The following TENM4 variants were observed in gnomAD, a reference collection of about 807,000 sequenced individuals.
The protein encoded by TENM4 is teneurin transmembrane protein 4.
A neutral mutation model predicts 243.3 loss-of-function variants in TENM4; 82 were observed. That is an observed-to-expected ratio of 0.34 (90% CI 0.28 to 0.40). TENM4 has a LOEUF of 0.40. TENM4 is among the 10% of genes least tolerant of loss of function. TENM4 has a pLI of 1.00. For missense variants in TENM4, 3,138 were observed against 3,673.3 expected, an observed-to-expected ratio of 0.85 and a Z score of 3.77; for synonymous variants, 1,412 against 1,456.3, an observed-to-expected ratio of 0.97 and a Z score of 0.69.
intron 2 of TENM4, among the ~76,000 whole-genome samples, chr11:79,266,747 A>G (rs573954689): frequency 3.3e-5 from 5 of 152,308 alleles, no homozygotes; most frequent in African/African-American, 1.2e-4. Flanking sequence ...TTAGAGGCAC[A>G]CTAGTAGTGA....
chr11:79,438,548 T>A lies in TENM4; in HGVS notation c.-321+1961A>T, dbSNP rs559156982. 1.7e-4 allele frequency among the ~76,000 whole-genome samples: 26 copies of A among 152,234 alleles called. No homozygotes were observed. The South Asian group carries it at 5.4e-3, about 32-fold the overall frequency. On this transcript the variant is annotated intron_variant, in intron 1 of 33. Transcript: ENST00000278550. This position sits in a 1 kb window ranked among gnomAD's most constrained non-coding sequence, Gnocchi z 4.1. ...CTCTAACCCCTCGCCAGCGTGGGCC[T>A]GGATGGCTGGGCTGCCTGGGCATCT... is the stretch of plus-strand genomic sequence containing the variant.
chr11:78,903,513 G>T lies in TENM4; in HGVS notation c.504C>A (p.Gly168=), dbSNP rs1378838053. The change falls in exon 7 of 34, where the codon GGC becomes GGA. Residue 168 remains glycine, a synonymous_variant. Transcript: ENST00000278550. ...EHENTETDHP[G]GLQNHARLRT... ...GGAGCCGCGCGTGGTTCTGCAGGCC[G>T]CCCGGATGATCTAGGGCACAAACAT... 3 of 1,546,570 alleles carry T rather than the reference G, an allele frequency of 1.9e-6. No homozygotes were observed. The highest frequency in any genetic ancestry group is 2.4e-5 in the East Asian group (1 of 40,880).
At chr11:78,787,105 G>A (rs1244934022) in intron 15 of TENM4, 22 bp from the exon 16 acceptor site, 3 of 1,528,692 alleles carry the variant, frequency 2.0e-6, no homozygotes, top group African/African-American at 2.7e-5. Context: ...AGCAGAAGAA[G>A]GGAGGACACC....
At chr11:79,313,093 T>A (rs552384733) in intron 1 of TENM4, among the ~76,000 whole-genome samples, 1 of 152,186 alleles carries the variant, frequency 6.6e-6, no homozygotes, top group Non-Finnish European at 1.5e-5. Context: ...AGGAAGTAGA[T>A]CTTGCATCAT....
intron 19 of TENM4, among the ~76,000 whole-genome samples, chr11:78,754,234 T>C (rs946527220): frequency 2.0e-5 from 3 of 152,226 alleles, no homozygotes; most frequent in African/African-American, 4.8e-5. Flanking sequence ...AAGACCAAGC[T>C]GGCCTCTCTC....
intron 5 of TENM4, among the ~76,000 whole-genome samples, chr11:79,066,349 A>G (rs17754692): frequency 0.6 from 91,709 of 151,996 alleles, 28,140 homozygotes; most frequent in Middle Eastern, 0.64. Context: ...ACTGAATAGG[A>G]CAAGCCTGCA....
In TENM4 at chr11:79,128,696, A is replaced by C. The variant is rs112895123; in HGVS notation, c.-66+20014T>G. The stretch of plus-strand genomic sequence containing the variant: ...TGAAAGGATATCTCTGAAGGACAGC[A>C]GTGAAGGGAAATCTTCCCAGTGGGC... On this transcript the variant is annotated intron_variant, in intron 4 of 33. Transcript: ENST00000278550. 1.1e-4 allele frequency among the ~76,000 whole-genome samples: 16 copies of C among 152,354 alleles called. 1 individual carries two copies. Among genetic ancestry groups the C allele is most frequent in the African/African-American group, 3.8e-4 (16 of 41,584 alleles).
At chr11:78,753,388 G>A (rs1037374025) in intron 19 of TENM4, among the ~76,000 whole-genome samples, 3 of 152,192 alleles carry the variant, frequency 2.0e-5, no homozygotes, top group Admixed American at 1.3e-4. Flanking sequence ...GTAACTCTGG[G>A]CACTTGCTAT....
At chr11:78,858,868 T>G (rs1306371906) in intron 10 of TENM4, among the ~76,000 whole-genome samples, 1 of 152,202 alleles carries the variant, frequency 6.6e-6, no homozygotes, top group South Asian at 2.1e-4. Flanking sequence ...TTAGTATTAC[T>G]AGTCATATTG....
At chr11:79,204,101 G>A (rs1938820) in intron 3 of TENM4, among the ~76,000 whole-genome samples, 26 of 136,504 alleles carry the variant, frequency 1.9e-4, no homozygotes, top group Admixed American at 1.9e-3. Context: ...GGTGGTGCAG[G>A]GGGTGGAGGC....
At chr11:79,202,205 C>T (rs1193114011) in intron 3 of TENM4, among the ~76,000 whole-genome samples, 1 of 152,142 alleles carries the variant, frequency 6.6e-6, no homozygotes, top group African/African-American at 2.4e-5. Flanking sequence ...TAAACCACTG[C>T]CACTCTGACT....
intron 6 of TENM4, among the ~76,000 whole-genome samples, chr11:78,953,037 G>A (rs546043396): frequency 1.3e-5 from 2 of 152,258 alleles, no homozygotes; most frequent in Non-Finnish European, 2.9e-5. Context: ...CAGGAAAGAG[G>A]GAGTGGAGCA....
chr11:78,805,140 G>A (rs149443437), intron 15 of TENM4, among the ~76,000 whole-genome samples, 152 bp downstream of exon 15: 136 of 152,310 alleles, frequency 8.9e-4, no homozygotes, highest in Admixed American at 2.8e-3. Context: ...AAGAGTAGAG[G>A]TGTTGAAGGC....
chr11:79,276,304 C>T (rs948799797), intron 2 of TENM4, among the ~76,000 whole-genome samples: 3 of 152,252 alleles, frequency 2.0e-5, no homozygotes, highest in African/African-American at 7.2e-5. Flanking sequence ...CCAGCTCACA[C>T]TCTGCTCACC....
intron 1 of TENM4, among the ~76,000 whole-genome samples, chr11:79,385,168 T>C (rs1330292606): frequency 1.3e-5 from 2 of 152,094 alleles, no homozygotes; most frequent in Non-Finnish European, 2.9e-5. Flanking sequence ...ATCCACGTTA[T>C]AAACACCTAA....
At chr11:79,418,459 C>T (rs1858864310) in intron 1 of TENM4, among the ~76,000 whole-genome samples, 1 of 152,202 alleles carries the variant, frequency 6.6e-6, no homozygotes, top group African/African-American at 2.4e-5. Flanking sequence ...CATAGCCAAT[C>T]ATGTGGCTTA....
chr11:78,789,906 C>T (rs1428094093), intron 15 of TENM4, among the ~76,000 whole-genome samples: 1 of 152,196 alleles, frequency 6.6e-6, no homozygotes, highest in African/African-American at 2.4e-5. Flanking sequence ...CTCAGTTTTG[C>T]CTGCTCTATG....
intron 6 of TENM4, among the ~76,000 whole-genome samples, chr11:78,929,056 C>T (rs1856614175): frequency 6.6e-6 from 1 of 152,212 alleles, no homozygotes; most frequent in Non-Finnish European, 1.5e-5. Flanking sequence ...GCAGGTACCT[C>T]CCTGCACCTG....
chr11:79,371,950 T>C (rs190525996), intron 1 of TENM4, among the ~76,000 whole-genome samples: 8 of 152,210 alleles, frequency 5.3e-5, no homozygotes, highest in Admixed American at 4.6e-4. Flanking sequence ...TAGGTGTGAA[T>C]GGCAGCTGCG....
Sources: gnomAD v4.1 joint callset for allele counts (sites outside exome capture counted in the v4.1 genomes callset) on GRCh38, gnomAD v4.1.1 for gene constraint, Gnocchi (gnomAD v3.1) non-coding constraint, MANE v1.5 for transcripts, NCBI Gene and HGNC (gene_info 2026-07-23, HGNC 2026-07-21) for gene names.